The following TSC22D1 variants were observed in gnomAD, a reference collection of about 807,000 sequenced individuals.
TSC22D1 encodes the protein TSC22 domain family member 1, also known as TSC22 domain family protein 1.
Under a neutral mutation model 74.2 loss-of-function variants are expected in TSC22D1, and 9 were observed. The observed-to-expected ratio is 0.12, with a 90% CI of 0.07 to 0.21. The LOEUF is 0.21. Ranked by LOEUF, TSC22D1 falls within the 10% of genes least tolerant of loss-of-function variation. The pLI, the probability that TSC22D1 is intolerant of heterozygous loss-of-function variation, is 1.00. For synonymous variants in TSC22D1, 586 were observed against 492.5 expected, an observed-to-expected ratio of 1.19 and a Z score of -2.51; for missense variants, 1,427 against 1,304.7, an observed-to-expected ratio of 1.09 and a Z score of -1.44.
chr13:44,563,978 C>G (rs1355896330), intron 1 of TSC22D1, among the ~76,000 whole-genome samples: 3 of 152,138 alleles, frequency 2.0e-5, no homozygotes, highest in African/African-American at 7.2e-5. Flanking sequence ...ATTATACACT[C>G]CTTGGGGACA....
rs78900335 is a variant in TSC22D1 at position 44,520,247 on chromosome 13, C to A, written c.2912+52916G>T. Among the ~76,000 whole-genome samples the A allele has an allele frequency of 4.6e-3, 698 of 152,204 alleles. 4 individuals are homozygous for A. The highest frequency in any genetic ancestry group is 8.2e-3 in the Non-Finnish European group (557 of 68,014). ...AGTGAGAATGAGTCTGCGAATCAGA[C>A]TAAAAACTGGCCAGAAAGACAGGAA... is the stretch of plus-strand genomic sequence containing the variant. On this transcript the variant is annotated intron_variant, in intron 1 of 2. Transcript: ENST00000458659.
chr13:44,465,301 C>A lies in TSC22D1; in HGVS notation c.2913-29206G>T, dbSNP rs75642597. On this transcript the variant is annotated intron_variant, in intron 1 of 2. Transcript: ENST00000458659. Reference sequence around the variant, plus strand: ...CAGGCTTAAACTTTGTCTTTACCCCCGAAGACTTTGCCAGGCTAAGAAAGC... The same window carrying A: ...CAGGCTTAAACTTTGTCTTTACCCCAGAAGACTTTGCCAGGCTAAGAAAGC... 4.2e-3 allele frequency among the ~76,000 whole-genome samples: 637 copies of A among 152,238 alleles called. 3 individuals carry two copies. The highest frequency in any genetic ancestry group is 0.015 in the African/African-American group (616 of 41,540).
intron 1 of TSC22D1, chr13:44,539,288 G>C (rs1881325729): frequency 3.5e-5 from 34 of 985,302 alleles, no homozygotes; most frequent in Non-Finnish European, 4.1e-5. Context: ...TCTTTTAAAA[G>C]ATCTAATATG....
At chr13:44,434,945 T>G in intron 2 of TSC22D1, 62 bp from the exon 3 acceptor site, 1 of 1,411,686 alleles carries the variant, frequency 7.1e-7, no homozygotes, top group South Asian at 1.3e-5. Context: ...CTTTTGAGTT[T>G]CCAAGACATT....
At chr13:44,549,907 T>A (rs917076052) in intron 1 of TSC22D1, among the ~76,000 whole-genome samples, 1 of 151,724 alleles carries the variant, frequency 6.6e-6, no homozygotes, top group African/African-American at 2.4e-5. Flanking sequence ...ACCAGAAAAA[T>A]TTTAAATGTC....
intron 1 of TSC22D1, among the ~76,000 whole-genome samples, chr13:44,527,260 C>A (rs1880591148): frequency 6.6e-6 from 1 of 151,902 alleles, no homozygotes; most frequent in Admixed American, 6.6e-5. Flanking sequence ...AAGATAAAAA[C>A]AAAACGTTTA....
intron 1 of TSC22D1, among the ~76,000 whole-genome samples, chr13:44,505,421 G>A (rs921881449): frequency 6.6e-6 from 1 of 152,166 alleles, no homozygotes; most frequent in African/African-American, 2.4e-5. Flanking sequence ...AGGCGTGGTG[G>A]TGCGTGTCTA....
chr13:44,551,869 C>A (rs1361914958), intron 1 of TSC22D1, among the ~76,000 whole-genome samples: 2 of 152,148 alleles, frequency 1.3e-5, no homozygotes, highest in African/African-American at 4.8e-5. Flanking sequence ...CCACTACACT[C>A]TAGCCTGGGC....
intron 1 of TSC22D1, among the ~76,000 whole-genome samples, chr13:44,462,643 A>G (rs1439773216): frequency 6.6e-6 from 1 of 152,212 alleles, no homozygotes; most frequent in Non-Finnish European, 1.5e-5. Flanking sequence ...AGATCTGTAA[A>G]GTGTCCATAT....
At chr13:44,439,647 A>G (rs1875027381) in intron 1 of TSC22D1, among the ~76,000 whole-genome samples, 1 of 152,220 alleles carries the variant, frequency 6.6e-6, no homozygotes, top group Non-Finnish European at 1.5e-5. Flanking sequence ...TCAGGCACTG[A>G]GCAAAGATCA....
intron 1 of TSC22D1, among the ~76,000 whole-genome samples, chr13:44,565,637 C>T (rs1029863560): frequency 3.9e-5 from 6 of 152,106 alleles, no homozygotes; most frequent in Non-Finnish European, 4.4e-5. Context: ...AAAAGTGAGA[C>T]GGCAAAAACC....
intron 1 of TSC22D1, among the ~76,000 whole-genome samples, chr13:44,569,211 A>C (rs1303579135): frequency 1.3e-5 from 2 of 152,244 alleles, no homozygotes. Context: ...ATTGAACCAT[A>C]AAGAGGATAA....
intron 1 of TSC22D1, chr13:44,474,165 C>T (rs1877764981): frequency 1.1e-6 from 1 of 906,218 alleles, no homozygotes; most frequent in African/African-American, 1.8e-5. Context: ...GGACTTAGGA[C>T]AACTGAGAGA....
chr13:44,501,096 G>A (rs969548263), intron 1 of TSC22D1, among the ~76,000 whole-genome samples: 3 of 152,174 alleles, frequency 2.0e-5, no homozygotes, highest in Non-Finnish European at 4.4e-5. Flanking sequence ...AGTACCAGAG[G>A]TTCCTGCCAT....
At chr13:44,528,670 A>ATGAAAC (rs1364398539) in intron 1 of TSC22D1, among the ~76,000 whole-genome samples, 2 of 152,056 alleles carry the variant, frequency 1.3e-5, no homozygotes, top group African/African-American at 4.8e-5. Context: ...TCAGAAATCA[A>ATGAAAC]TGAAACTGAA....
In TSC22D1 at chr13:44,552,905, G is replaced by A. The variant is rs1374152707; in HGVS notation, c.2912+20258C>T. On this transcript the variant is annotated intron_variant, in intron 1 of 2. Coordinates refer to ENST00000458659, the MANE Select transcript of TSC22D1 (RefSeq NM_183422.4). ...CCGGAGGCTGAGGCAGGAGAATGGC[G>A]TGAACCCGGAAGGCGAAGCTTGCAG... Among the ~76,000 whole-genome samples, 5 of 152,244 alleles carry A rather than the reference G, an allele frequency of 3.3e-5. No individual in the cohort carries two copies. The East Asian group carries it at 5.8e-4, about 18-fold the overall frequency.
chr13:44,501,816 CAT>C (rs1314687966), intron 1 of TSC22D1, among the ~76,000 whole-genome samples: 1 of 152,194 alleles, frequency 6.6e-6, no homozygotes, highest in African/African-American at 2.4e-5. Context: ...AGCGCTAACA[CAT>C]GTGCTGTGGG....
intron 1 of TSC22D1, among the ~76,000 whole-genome samples, chr13:44,453,710 A>G (rs1213595282): frequency 1.3e-5 from 2 of 152,224 alleles, no homozygotes; most frequent in African/African-American, 4.8e-5. Flanking sequence ...CAATTAATTT[A>G]GTAAAAAACT....
intron 1 of TSC22D1, among the ~76,000 whole-genome samples, chr13:44,496,582 G>A (rs1342321733): frequency 6.6e-6 from 1 of 152,136 alleles, no homozygotes; most frequent in Admixed American, 6.5e-5. Context: ...CTACTCAGGA[G>A]GTTGAGACAG....
Sources: gnomAD v4.1 joint callset for allele counts (sites outside exome capture counted in the v4.1 genomes callset) on GRCh38, gnomAD v4.1.1 for gene constraint, MANE v1.5 for transcripts, NCBI Gene and HGNC (gene_info 2026-07-23, HGNC 2026-07-21) for gene names.